Variants in ADCY10 observed in about 807,000 individuals in gnomAD.
The protein encoded by ADCY10 is adenylate cyclase type 10.
Under a neutral mutation model 183.3 loss-of-function variants are expected in ADCY10, and 156 were observed. That is an observed-to-expected ratio of 0.85 (90% CI 0.75 to 0.97). The LOEUF (loss-of-function observed/expected upper bound fraction) is 0.97, where lower values mean the gene tolerates loss of function less well. Among genes scored for constraint, ADCY10 ranks in the 50% least tolerant of loss-of-function variants. The pLI, the probability that ADCY10 is intolerant of heterozygous loss-of-function variation, is 0.00. For synonymous variants in ADCY10, 645 were observed against 670.0 expected, an observed-to-expected ratio of 0.96 and a Z score of 0.58; for missense variants, 1,745 against 1,934.3, an observed-to-expected ratio of 0.90 and a Z score of 1.84.
At chr1:167,896,849 T>C (rs1669012607) in intron 6 of ADCY10, among the ~76,000 whole-genome samples, 158 bp from the exon 7 acceptor site, 2 of 152,166 alleles carry the variant, frequency 1.3e-5, no homozygotes, top group Admixed American at 1.3e-4. Flanking sequence ...AAATTTTAAA[T>C]TGAAAATCTA....
At chr1:167,901,079 T>C (rs1482383418) in intron 5 of ADCY10, among the ~76,000 whole-genome samples, 3 of 152,242 alleles carry the variant, frequency 2.0e-5, no homozygotes, top group Non-Finnish European at 4.4e-5. Flanking sequence ...ATCTCAGGAC[T>C]GTCATATAGT....
chr1:167,884,693 A>T (rs544230), intron 8 of ADCY10, among the ~76,000 whole-genome samples: 63 of 118,880 alleles, frequency 5.3e-4, no homozygotes, highest in African/African-American at 2.1e-3. Flanking sequence ...CAATCATTTT[A>T]ATTTTTTTTT....
At position 167,876,288 on chromosome 1, in the gene ADCY10, T is replaced by C. The variant is rs557222701; in HGVS notation, c.1407-1102A>G. Among the ~76,000 whole-genome samples the C allele has an allele frequency of 1.9e-4, 29 of 151,338 alleles. No individual in the cohort carries two copies. The South Asian group carries it at 5.9e-3, about 31-fold the overall frequency. ...AAAAAAAAAAAAAGTACTACTCTTA[T>C]GTTCATTTTGCCAGTGAGGAAATTC... On this transcript the variant is annotated intron_variant, in intron 12 of 32. Transcript: ENST00000367851.
chr1:167,870,152 A>T, intron 14 of ADCY10, 105 bp downstream of exon 14: 1 of 1,230,564 alleles, frequency 8.1e-7, no homozygotes, highest in Non-Finnish European at 1.2e-6. Flanking sequence ...CAATAATTGT[A>T]GGTTATAGAT....
intron 12 of ADCY10, among the ~76,000 whole-genome samples, chr1:167,875,795 A>T (rs536638577): frequency 6.6e-6 from 1 of 152,242 alleles, no homozygotes; most frequent in Admixed American, 6.5e-5. Context: ...CCAAAAATAC[A>T]AAAAGAAATT....
intron 15 of ADCY10, 85 bp downstream of exon 15, chr1:167,860,786 G>C: frequency 8.7e-7 from 1 of 1,155,930 alleles, no homozygotes; most frequent in Non-Finnish European, 1.3e-6. Context: ...ACAGACCAAA[G>C]AGATGCTAAG....
intron 14 of ADCY10, among the ~76,000 whole-genome samples, chr1:167,861,815 G>A (rs1666307785): frequency 6.6e-6 from 1 of 152,198 alleles, no homozygotes; most frequent in Non-Finnish European, 1.5e-5. Flanking sequence ...GGAGAGACCT[G>A]TTGGGAAGTG....
At chr1:167,834,552 G>C in intron 23 of ADCY10, 1 of 251,308 alleles carries the variant, frequency 4.0e-6, no homozygotes, top group Non-Finnish European at 7.9e-6. Context: ...GGTGGATGAG[G>C]AAGTAAGTCC....
At chr1:167,884,143 G>A (rs1668059080) in intron 8 of ADCY10, among the ~76,000 whole-genome samples, 1 of 152,096 alleles carries the variant, frequency 6.6e-6, no homozygotes, top group South Asian at 2.1e-4. Context: ...TAAAATGTAT[G>A]GTTGTATTAG....
intron 2 of ADCY10, among the ~76,000 whole-genome samples, chr1:167,904,319 C>A (rs1166183007): frequency 6.6e-6 from 1 of 152,040 alleles, no homozygotes; most frequent in Non-Finnish European, 1.5e-5. Context: ...AACTCCTGAC[C>A]TTGTGATCCG....
chr1:167,902,992 C>T (rs540717134), intron 3 of ADCY10, among the ~76,000 whole-genome samples: 2 of 152,340 alleles, frequency 1.3e-5, no homozygotes, highest in East Asian at 1.9e-4. Context: ...TGGTGGCTTA[C>T]GCCTATAATC....
chr1:167,833,814 A>AT (rs1457701732), intron 24 of ADCY10, among the ~76,000 whole-genome samples, 156 bp downstream of exon 24: 1 of 150,708 alleles, frequency 6.6e-6, no homozygotes, highest in East Asian at 1.9e-4. Flanking sequence ...CATGGTGAGG[A>AT]GGTTGGAGCC....
Position 167,845,748 on chromosome 1 carries a change from C to T in ADCY10, c.2822G>A (p.Trp941Ter). 6.2e-7 allele frequency: 1 copy of T among 1,614,234 alleles called. No individual in the cohort carries two copies. Among genetic ancestry groups the T allele is most frequent in the Non-Finnish European group, 8.5e-7 (1 of 1,180,052 alleles). Residue 941 changes from tryptophan (W) to a stop codon, truncating the protein, a stop_gained, in exon 21 of 33, where the codon TGG (tryptophan) becomes TAG (stop). Transcript: ENST00000367851. LOFTEE classifies it high-confidence loss of function. Reference sequence around the variant, plus strand: ...CATGGCTTTTCTCTGGTCCTTGAGCCACAGCTCGTAGGCTGTTTTCTGCAT... The same window carrying T: ...CATGGCTTTTCTCTGGTCCTTGAGCTACAGCTCGTAGGCTGTTTTCTGCAT... The part of the protein sequence containing the change: ...PMMQKTAYEL[W>*]LKDQRKAMHL...
At chr1:167,858,250 A>G (rs1666039253) in intron 16 of ADCY10, among the ~76,000 whole-genome samples, 1 of 152,132 alleles carries the variant, frequency 6.6e-6, no homozygotes, top group African/African-American at 2.4e-5. Context: ...CTGTAATCCC[A>G]GCACTTTGGG....
chr1:167,832,490 G>A (rs1663816173), intron 25 of ADCY10, among the ~76,000 whole-genome samples: 1 of 152,026 alleles, frequency 6.6e-6, no homozygotes. Context: ...TTGACCAACG[G>A]ATACCCCCCA....
At chr1:167,857,692 CACTT>C (rs1396312763) in intron 16 of ADCY10, among the ~76,000 whole-genome samples, 1 of 152,194 alleles carries the variant, frequency 6.6e-6, no homozygotes, top group African/African-American at 2.4e-5. Context: ...ATAATTAACT[CACTT>C]AATCCTCACA....
At chr1:167,877,231 T>C (rs1431577971) in intron 12 of ADCY10, among the ~76,000 whole-genome samples, 1 of 149,968 alleles carries the variant, frequency 6.7e-6, no homozygotes, top group East Asian at 2.0e-4. Context: ...GAAATTATAA[T>C]AGTTTCTATC....
In ADCY10 at chr1:167,845,862, AGCAAAAAGGGTTTTTCAGCCAG is replaced by A; in HGVS notation, c.2717-31_2717-10del. Reference sequence around the variant, plus strand: ...TTCCTCTTCACCGTGATCTGGAGAGAGCAAAAAGGGTTTTTCAGCCAGGCAGTGGGCAACAGATCAGCCCCTT... The same window carrying A: ...TTCCTCTTCACCGTGATCTGGAGAGAGCAGTGGGCAACAGATCAGCCCCTT... On this transcript the variant is annotated splice_polypyrimidine_tract_variant and intron_variant, in intron 20 of 32. Coordinates refer to ENST00000367851, the MANE Select transcript of ADCY10 (RefSeq NM_018417.6). 6.2e-7 allele frequency: 1 copy of A among 1,614,026 alleles called. No individual in the cohort carries two copies. The highest frequency in any genetic ancestry group is 2.2e-5 in the East Asian group (1 of 44,878).
At chr1:167,836,144 A>T (rs1475220102) in intron 23 of ADCY10, among the ~76,000 whole-genome samples, 165 bp downstream of exon 23, 1 of 152,170 alleles carries the variant, frequency 6.6e-6, no homozygotes, top group Non-Finnish European at 1.5e-5. Context: ...CTCTTTTCTC[A>T]ATCTTAGATC....
Sources: gnomAD v4.1 joint callset for allele counts (sites outside exome capture counted in the v4.1 genomes callset) on GRCh38, gnomAD v4.1.1 for gene constraint, MANE v1.5 for transcripts, NCBI Gene and HGNC (gene_info 2026-07-23, HGNC 2026-07-21) for gene names.